Variants in XKR6 observed in about 807,000 individuals in gnomAD.
XKR6 encodes the protein XK related 6, also known as XK-related protein 6.
Under a neutral mutation model 56.7 loss-of-function variants are expected in XKR6, and 22 were observed. The observed-to-expected ratio is 0.39, with a 90% CI of 0.28 to 0.55. The LOEUF (loss-of-function observed/expected upper bound fraction) is 0.55, where lower values mean the gene tolerates loss of function less well. Ranked by LOEUF, XKR6 falls within the 20% of genes least tolerant of loss-of-function variation. XKR6 has a pLI of 0.66. For missense variants in XKR6, 852 were observed against 889.0 expected (o/e 0.96, Z 0.53); for synonymous variants, 524 against 387.8 (o/e 1.35, Z -4.13).
chr8:11,116,529 C>T (rs922551398), intron 1 of XKR6, among the ~76,000 whole-genome samples: 1 of 152,128 alleles, frequency 6.6e-6, no homozygotes, highest in Non-Finnish European at 1.5e-5. Flanking sequence ...CATCGCCACA[C>T]CTGGCTAATT....
At chr8:11,185,158 C>A (rs1803205140) in intron 1 of XKR6, among the ~76,000 whole-genome samples, 1 of 152,168 alleles carries the variant, frequency 6.6e-6, no homozygotes, top group South Asian at 2.1e-4. Flanking sequence ...CTGTCCAGGA[C>A]TGGTGCCCGC....
rs1366671223 is a variant in XKR6, at chr8:11,200,577, T to G, written c.763A>C (p.Arg255=). Residue 255 remains arginine (R), a splice_region_variant and synonymous_variant, in exon 1 of 3, where the codon AGG becomes CGG. Transcript: ENST00000416569. The surrounding 1 kb of genome is among the most constrained non-coding windows in gnomAD (Gnocchi z 6.4). ...GCCCCCACCCCGCAGTGCTCTTACC[T>G]CCACACCTGCCCCATCTGCAGCAGG... ...IHLLQMGQVW[R]YIRTMYLGIQ... is the part of the protein sequence containing the mutation. 1 of 1,494,846 alleles carries G rather than the reference T, an allele frequency of 6.7e-7. No homozygotes were observed. Among genetic ancestry groups the G allele is most frequent in the Non-Finnish European group, 8.8e-7 (1 of 1,136,548 alleles). 92.6% of individuals were successfully genotyped at this position (1,494,846 alleles called of 1,614,324 possible).
chr8:11,001,104 G>A (rs551379379), intron 1 of XKR6, among the ~76,000 whole-genome samples: 1 of 152,290 alleles, frequency 6.6e-6, no homozygotes, highest in East Asian at 1.9e-4. Context: ...TTTGCACATG[G>A]GGAGTGAGAA....
intron 1 of XKR6, among the ~76,000 whole-genome samples, chr8:11,095,493 C>A (rs1367683999): frequency 6.6e-6 from 1 of 152,212 alleles, no homozygotes; most frequent in African/African-American, 2.4e-5. Context: ...CTTTTAGGCA[C>A]CAGTGCAATT....
chr8:11,124,219 T>C (rs1799636815), intron 1 of XKR6: 1 of 349,180 alleles, frequency 2.9e-6, no homozygotes, highest in Non-Finnish European at 5.7e-6. Context: ...TATTCTATTA[T>C]CAAGCATATT....
At chr8:11,010,470 G>C (rs180787072) in intron 1 of XKR6, among the ~76,000 whole-genome samples, 1 of 152,264 alleles carries the variant, frequency 6.6e-6, no homozygotes, top group African/African-American at 2.4e-5. Flanking sequence ...TGAGACAACA[G>C]TACCTGCCTC....
intron 1 of XKR6, among the ~76,000 whole-genome samples, chr8:11,186,360 ATG>A (rs1047983036): frequency 3.3e-5 from 5 of 152,086 alleles, no homozygotes; most frequent in Admixed American, 6.5e-5. Context: ...AGTGGAAGTG[ATG>A]TGTTTCACTT....
intron 1 of XKR6, among the ~76,000 whole-genome samples, chr8:11,190,245 G>GAA (rs1186788464): frequency 8.1e-5 from 12 of 148,350 alleles, no homozygotes; most frequent in African/African-American, 2.5e-4. Flanking sequence ...AAAGAAAAAA[G>GAA]AAAAGAAAAG....
intron 1 of XKR6, among the ~76,000 whole-genome samples, chr8:11,075,500 A>G (rs144352987): frequency 2.1e-3 from 313 of 152,250 alleles, no homozygotes; most frequent in African/African-American, 7.1e-3. Flanking sequence ...CCCTAAGCAC[A>G]AAGCACTTCC....
intron 1 of XKR6, among the ~76,000 whole-genome samples, chr8:11,014,555 A>G (rs1015279068): frequency 4.6e-5 from 7 of 152,150 alleles, no homozygotes; most frequent in African/African-American, 1.7e-4. Flanking sequence ...GGTTCCCCCA[A>G]CAGCTTTTCA....
intron 1 of XKR6, among the ~76,000 whole-genome samples, chr8:11,103,103 T>C (rs1798545423): frequency 6.6e-6 from 1 of 152,234 alleles, no homozygotes. Flanking sequence ...CAGTTGCTGA[T>C]GGCAGTTTTT....
At chr8:10,984,030 A>G (rs914552925) in intron 1 of XKR6, among the ~76,000 whole-genome samples, 1 of 152,166 alleles carries the variant, frequency 6.6e-6, no homozygotes, top group Admixed American at 6.5e-5. Flanking sequence ...CTATGGACCA[A>G]TCTTACTTGG....
chr8:11,160,560 A>C (rs1461072417), intron 1 of XKR6, among the ~76,000 whole-genome samples: 2 of 152,220 alleles, frequency 1.3e-5, no homozygotes, highest in Admixed American at 1.3e-4. Flanking sequence ...AGATAAAGCG[A>C]GGAAAGGCAG....
intron 1 of XKR6, among the ~76,000 whole-genome samples, chr8:11,082,928 T>C (rs1457434513): frequency 1.3e-5 from 2 of 152,202 alleles, no homozygotes; most frequent in Admixed American, 1.3e-4. Context: ...TGTATTTATT[T>C]CTCGTCTTTA....
intron 1 of XKR6, among the ~76,000 whole-genome samples, chr8:11,075,422 A>C (rs1426583444): frequency 6.6e-6 from 1 of 152,154 alleles, no homozygotes; most frequent in African/African-American, 2.4e-5. Context: ...TAGGTGCTTG[A>C]TTCCTCTTGG....
chr8:10,912,115 T>TAG, intron 2 of XKR6, among the ~76,000 whole-genome samples: 1 of 148,462 alleles, frequency 6.7e-6, no homozygotes, highest in South Asian at 2.1e-4. Context: ...TGTATATATA[T>TAG]AGAGAGAGAG....
At chr8:10,953,783 A>G (rs1586349559) in intron 1 of XKR6, among the ~76,000 whole-genome samples, 1 of 152,196 alleles carries the variant, frequency 6.6e-6, no homozygotes, top group African/African-American at 2.4e-5. Context: ...ATTACCCCCA[A>G]AAGAAATCCT....
chr8:11,175,009 G>A (rs548293556), intron 1 of XKR6: 2 of 152,310 alleles, frequency 1.3e-5, no homozygotes, highest in Non-Finnish European at 2.9e-5. Context: ...GAAAGAATTT[G>A]TTGCTCTTCC....
chr8:11,089,501 T>C (rs1173882389), intron 1 of XKR6, among the ~76,000 whole-genome samples: 1 of 152,028 alleles, frequency 6.6e-6, no homozygotes, highest in East Asian at 1.9e-4. Flanking sequence ...GCAGGGTGTA[T>C]TGATGCATGC....
Sources: gnomAD v4.1 joint callset for allele counts (sites outside exome capture counted in the v4.1 genomes callset) on GRCh38, gnomAD v4.1.1 for gene constraint, Gnocchi (gnomAD v3.1) non-coding constraint, MANE v1.5 for transcripts, NCBI Gene and HGNC (gene_info 2026-07-23, HGNC 2026-07-21) for gene names.